Variants in NRXN3 observed in about 807,000 individuals in gnomAD.
NRXN3 encodes the protein neurexin 3, also known as neurexin III.
In NRXN3, 32 loss-of-function variants were observed where a neutral mutation model predicts 137.6. The observed-to-expected ratio is 0.23, with a 90% CI of 0.18 to 0.31. The LOEUF is 0.31. Ranked by LOEUF, NRXN3 falls within the 10% of genes least tolerant of loss-of-function variation. The pLI is 1.00. For synonymous variants in NRXN3, 798 were observed against 784.5 expected (o/e 1.02, Z -0.29); for missense variants, 1,574 against 2,062.5 (o/e 0.76, Z 4.59).
chr14:78,935,263 G>T (rs908637576), intron 10 of NRXN3, among the ~76,000 whole-genome samples: 2 of 152,102 alleles, frequency 1.3e-5, no homozygotes, highest in Non-Finnish European at 2.9e-5. Flanking sequence ...TGACTCAAAG[G>T]GCTGTGGATA....
chr14:79,498,985 A>G (rs1056250023), intron 16 of NRXN3, among the ~76,000 whole-genome samples: 7 of 152,104 alleles, frequency 4.6e-5, no homozygotes, highest in Middle Eastern at 3.2e-3. Flanking sequence ...AGGTCTCACT[A>G]TGTTGCTCAG....
chr14:78,292,484 AAG>A (rs1253921560), intron 3 of NRXN3, among the ~76,000 whole-genome samples: 8 of 152,204 alleles, frequency 5.3e-5, no homozygotes. Context: ...CAGGACTAGA[AAG>A]AGGGAGGTGG....
chr14:79,681,303 C>T (rs1321108153), intron 17 of NRXN3, among the ~76,000 whole-genome samples: 3 of 152,218 alleles, frequency 2.0e-5, no homozygotes, highest in South Asian at 2.1e-4. Context: ...ACTCTCGGAC[C>T]CCTGTTCTTC....
intron 15 of NRXN3, among the ~76,000 whole-genome samples, chr14:79,338,837 T>C (rs1328503307): frequency 6.6e-6 from 1 of 152,168 alleles, no homozygotes; most frequent in East Asian, 1.9e-4. Context: ...AAGATAACTA[T>C]TTTTGTGTTT....
At chr14:79,748,545 C>G (rs1470008833) in intron 19 of NRXN3, among the ~76,000 whole-genome samples, 1 of 152,018 alleles carries the variant, frequency 6.6e-6, no homozygotes, top group East Asian at 1.9e-4. Flanking sequence ...TTCTGACAAC[C>G]CCTTGAAGAG....
At chr14:79,319,602 C>G (rs2089605821) in intron 15 of NRXN3, among the ~76,000 whole-genome samples, 1 of 152,146 alleles carries the variant, frequency 6.6e-6, no homozygotes, top group Admixed American at 6.5e-5. Context: ...ATTAGGAAGA[C>G]AGAGTGAAAA....
intron 4 of NRXN3, among the ~76,000 whole-genome samples, chr14:78,430,376 C>T (rs955032422): frequency 6.6e-6 from 1 of 152,240 alleles, no homozygotes; most frequent in Non-Finnish European, 1.5e-5. Flanking sequence ...TAGAGGCACT[C>T]TTCTAGCGTT....
chr14:79,541,914 G>A (rs1044870137), intron 16 of NRXN3, among the ~76,000 whole-genome samples: 1 of 152,178 alleles, frequency 6.6e-6, no homozygotes, highest in Non-Finnish European at 1.5e-5. Flanking sequence ...GTCCAAGAAA[G>A]CCTAGTTCAC....
chr14:79,376,626 G>A (rs1215925876), intron 15 of NRXN3, among the ~76,000 whole-genome samples: 2 of 152,096 alleles, frequency 1.3e-5, no homozygotes, highest in Non-Finnish European at 2.9e-5. Context: ...GTATAAAGAT[G>A]AGATCCTTTT....
chr14:78,751,140 T>C (rs1182363621), intron 8 of NRXN3, among the ~76,000 whole-genome samples: 2 of 152,104 alleles, frequency 1.3e-5, no homozygotes, highest in African/African-American at 2.4e-5. Flanking sequence ...CCCCCCACTA[T>C]ATTCTTTACA....
chr14:79,070,391 C>A (rs1288136309), intron 15 of NRXN3, among the ~76,000 whole-genome samples: 1 of 152,194 alleles, frequency 6.6e-6, no homozygotes, highest in Admixed American at 6.5e-5. Context: ...CACAGCTTTT[C>A]ATTGTGGCCA....
intron 19 of NRXN3, among the ~76,000 whole-genome samples, chr14:79,792,913 A>G (rs2099149722): frequency 6.6e-6 from 1 of 152,182 alleles, no homozygotes; most frequent in Non-Finnish European, 1.5e-5. Flanking sequence ...TTATATGGTC[A>G]TCATTCTTTT....
At chr14:78,419,267 C>G (rs1004941393) in intron 4 of NRXN3, among the ~76,000 whole-genome samples, 1 of 152,046 alleles carries the variant, frequency 6.6e-6, no homozygotes, top group African/African-American at 2.4e-5. Context: ...TTGATAGGGT[C>G]TCACTCTGTC....
At chr14:79,584,137 T>C (rs2097745234) in intron 16 of NRXN3, among the ~76,000 whole-genome samples, 1 of 152,182 alleles carries the variant, frequency 6.6e-6, no homozygotes, top group Admixed American at 6.5e-5. Flanking sequence ...ATGTATCTAC[T>C]TTGGTCAGGG....
chr14:78,908,292 C>T (rs1490589794), intron 10 of NRXN3, among the ~76,000 whole-genome samples: 3 of 151,996 alleles, frequency 2.0e-5, no homozygotes, highest in Non-Finnish European at 4.4e-5. Context: ...TTTATTTAGT[C>T]CAATGTTTCA....
chr14:79,556,205 A>T (rs968153942), intron 16 of NRXN3, among the ~76,000 whole-genome samples: 2 of 152,116 alleles, frequency 1.3e-5, no homozygotes, highest in African/African-American at 4.8e-5. Context: ...ACCTACAAAC[A>T]TGTCCAGACT....
At chr14:79,613,385 C>A (rs2153878263) in intron 16 of NRXN3, among the ~76,000 whole-genome samples, 1 of 152,266 alleles carries the variant, frequency 6.6e-6, no homozygotes, top group East Asian at 1.9e-4. Context: ...ATCAATGGTT[C>A]TAAGAGGAAA....
chr14:79,487,522 G>A (rs1478167019), intron 16 of NRXN3, among the ~76,000 whole-genome samples: 2 of 152,114 alleles, frequency 1.3e-5, no homozygotes, highest in Non-Finnish European at 2.9e-5. Flanking sequence ...AAAACCCTAT[G>A]CAGCTGGGCG....
chr14:78,608,261 C>T (rs2097269001), intron 4 of NRXN3, among the ~76,000 whole-genome samples: 1 of 152,000 alleles, frequency 6.6e-6, no homozygotes, highest in African/African-American at 2.4e-5. Context: ...ACTTCCCACC[C>T]CCACTTAAGG....
Sources: gnomAD v4.1 joint callset for allele counts (sites outside exome capture counted in the v4.1 genomes callset) on GRCh38, gnomAD v4.1.1 for gene constraint, MANE v1.5 for transcripts, NCBI Gene and HGNC (gene_info 2026-07-23, HGNC 2026-07-21) for gene names.